ZFHX4: variants seen among roughly 807,000 people sequenced by gnomAD.
ZFHX4 encodes the protein zinc finger homeobox 4.
Under a neutral mutation model 267.6 loss-of-function variants are expected in ZFHX4, and 56 were observed. That is an observed-to-expected ratio of 0.21 (90% confidence interval 0.17 to 0.26). The LOEUF is 0.26. ZFHX4 is among the 10% of genes least tolerant of loss of function. The pLI, the probability that ZFHX4 is intolerant of heterozygous loss-of-function variation, is 1.00. For missense variants in ZFHX4, 4,332 were observed against 4,420.0 expected, an observed-to-expected ratio of 0.98 and a Z score of 0.56; for synonymous variants, 1,778 against 1,665.6, an observed-to-expected ratio of 1.07 and a Z score of -1.64.
intron 5 of ZFHX4, 23 bp from the exon 6 acceptor site, chr8:76,842,632 G>T: frequency 6.5e-7 from 1 of 1,536,536 alleles, no homozygotes; most frequent in South Asian, 1.2e-5. Context: ...CAGTTCTACT[G>T]ATTGGTCTGC....
intron 3 of ZFHX4, among the ~76,000 whole-genome samples, chr8:76,752,857 C>T (rs755799789): frequency 6.6e-6 from 1 of 152,158 alleles, no homozygotes; most frequent in Non-Finnish European, 1.5e-5. Flanking sequence ...AGTGAATTCA[C>T]TATAATAACT....
At chr8:76,698,777 A>T (rs6995390) in intron 1 of ZFHX4, among the ~76,000 whole-genome samples, 52,268 of 152,080 alleles carry the variant, frequency 0.34, 13,262 homozygotes, top group African/African-American at 0.71. Flanking sequence ...GTGCCTGTTT[A>T]AAATGCTGAA....
chr8:76,782,276 A>T (rs1810571533), intron 4 of ZFHX4: 9 of 398,872 alleles, frequency 2.3e-5, no homozygotes, highest in African/African-American at 4.2e-5. Flanking sequence ...TTTTCTTGAA[A>T]TGTACACTCT....
intron 3 of ZFHX4, among the ~76,000 whole-genome samples, chr8:76,745,231 C>T (rs914826152): frequency 1.3e-5 from 2 of 152,140 alleles, no homozygotes; most frequent in Non-Finnish European, 2.9e-5. Context: ...CTCTATGACC[C>T]TCCCTCCTTG....
intron 3 of ZFHX4, among the ~76,000 whole-genome samples, chr8:76,753,781 T>G (rs941536334): frequency 1.3e-5 from 2 of 151,908 alleles, no homozygotes; most frequent in Non-Finnish European, 2.9e-5. Context: ...TGCAACACCA[T>G]GCTCAGCTAA....
chr8:76,738,796 C>T (rs540002917), intron 3 of ZFHX4, among the ~76,000 whole-genome samples: 58 of 151,346 alleles, frequency 3.8e-4, no homozygotes, highest in Admixed American at 9.3e-4. Flanking sequence ...TGCAATGTAG[C>T]TTTGACATCC....
intron 5 of ZFHX4, among the ~76,000 whole-genome samples, chr8:76,840,263 G>T (rs1363138476): frequency 6.6e-6 from 1 of 152,174 alleles, no homozygotes; most frequent in South Asian, 2.1e-4. Flanking sequence ...TATGAGTTGT[G>T]GCTTGGAGGA....
At chr8:76,827,395 C>T (rs780457384) in intron 4 of ZFHX4, among the ~76,000 whole-genome samples, 7 of 152,110 alleles carry the variant, frequency 4.6e-5, no homozygotes, top group African/African-American at 9.7e-5. Context: ...GGACCAGGAG[C>T]GAGCCACAGC....
At chr8:76,765,318 A>G (rs1810023805) in intron 3 of ZFHX4, among the ~76,000 whole-genome samples, 1 of 152,156 alleles carries the variant, frequency 6.6e-6, no homozygotes, top group African/African-American at 2.4e-5. Flanking sequence ...AATGTTAACT[A>G]TACCTATTTT....
At position 76,863,619 on chromosome 8, in the gene ZFHX4, C is replaced by T; in HGVS notation, c.9905C>T (p.Thr3302Ile). ...GAGAGCCTCTTTCCTTATGGCCCTA[C>T]AATGCCCCAGACACTGGCAGGTCTG... Reference protein sequence around the residue: ...GMESLFPYGPTMPQTLAGLSP... With the variant: ...GMESLFPYGPIMPQTLAGLSP... Residue 3302 changes from threonine to isoleucine, a missense_variant, in exon 11 of 11, where the codon ACA (threonine) becomes ATA (isoleucine). Thr to Ile is a moderately conservative substitution (Grantham distance 89). Around this residue, in one of 7 missense-constraint regions of ZFHX4, gnomAD observed 1,648 missense variants for 1,625.0 expected, o/e 1.01. Coordinates refer to ENST00000651372, the MANE Select transcript of ZFHX4 (RefSeq NM_024721.5). 1.2e-6 allele frequency: 2 copies of T among 1,613,358 alleles called. No individual in the cohort carries two copies. The highest frequency in any genetic ancestry group is 1.7e-6 in the Non-Finnish European group (2 of 1,179,706).
chr8:76,757,099 C>T (rs1254637834), intron 3 of ZFHX4, among the ~76,000 whole-genome samples: 1 of 152,130 alleles, frequency 6.6e-6, no homozygotes, highest in Non-Finnish European at 1.5e-5. Context: ...GCAGTAATTT[C>T]TCTCTCCTGA....
At chr8:76,727,269 C>T (rs1220474677) in intron 3 of ZFHX4, among the ~76,000 whole-genome samples, 2 of 151,958 alleles carry the variant, frequency 1.3e-5, no homozygotes, top group Non-Finnish European at 2.9e-5. Context: ...CTCTTGGGGC[C>T]GCAGCCACAT....
Position 76,863,881 on chromosome 8 carries a change from C to A in ZFHX4, c.10167C>A (p.Asp3389Glu). Reference sequence around the variant, plus strand: ...CCCAGTTAGAATCCAAAAGTGCAGACTTTTCAGACACTTACGTTGTTCCAT... The same window carrying A: ...CCCAGTTAGAATCCAAAAGTGCAGAATTTTCAGACACTTACGTTGTTCCAT... The part of the protein sequence containing the change: ...EEPQLESKSA[D>E]FSDTYVVPFV... The change falls in exon 11 of 11, where the codon GAC becomes GAA. Residue 3389 changes from aspartate to glutamate, a missense_variant. Physicochemically the swap from Asp to Glu is conservative, Grantham distance 45. Transcript: ENST00000651372. The A allele has an allele frequency of 6.4e-7, 1 of 1,565,040 alleles. No homozygotes were observed. Among genetic ancestry groups the A allele is most frequent in the Non-Finnish European group, 8.7e-7 (1 of 1,153,900 alleles).
chr8:76,819,092 A>G (rs1452804288), intron 4 of ZFHX4, among the ~76,000 whole-genome samples: 1 of 151,660 alleles, frequency 6.6e-6, no homozygotes, highest in Non-Finnish European at 1.5e-5. Flanking sequence ...TTCAGACAAA[A>G]TGCTTTAAAC....
chr8:76,717,137 T>C (rs1808597176), intron 3 of ZFHX4, among the ~76,000 whole-genome samples: 1 of 152,206 alleles, frequency 6.6e-6, no homozygotes, highest in Non-Finnish European at 1.5e-5. Flanking sequence ...CTGGAGGAAG[T>C]TGTATTCACT....
At chr8:76,719,415 A>G (rs1808662561) in intron 3 of ZFHX4, among the ~76,000 whole-genome samples, 1 of 152,022 alleles carries the variant, frequency 6.6e-6, no homozygotes, top group African/African-American at 2.4e-5. Context: ...GTATGTACAC[A>G]TGACTAATCA....
intron 3 of ZFHX4, among the ~76,000 whole-genome samples, chr8:76,756,604 C>T (rs576652256): frequency 6.6e-6 from 1 of 151,460 alleles, no homozygotes; most frequent in Non-Finnish European, 1.5e-5. Flanking sequence ...CATTTTTTTT[C>T]AAATGGTCTA....
Position 76,863,197 on chromosome 8 carries a change from T to A in ZFHX4, c.9483T>A (p.Thr3161=), listed in dbSNP as rs748912166. 6.4e-7 allele frequency: 1 copy of A among 1,564,450 alleles called. No individual in the cohort carries two copies. The highest frequency in any genetic ancestry group is 2.4e-5 in the East Asian group (1 of 41,942). The change falls in exon 11 of 11, where the codon ACT becomes ACA. Residue 3161 remains threonine (T), a synonymous_variant. Transcript: ENST00000651372. Reference sequence around the variant, plus strand: ...CCCCCACCAAACCTTTGCTGCAGACTCCACCACCTCCACCACCTCCTCCTC... The same window carrying A: ...CCCCCACCAAACCTTTGCTGCAGACACCACCACCTCCACCACCTCCTCCTC... The part of the protein sequence containing the change: ...SSAPTKPLLQ[T]PPPPPPPPPP...
Position 76,855,427 on chromosome 8 carries a change from G to A in ZFHX4, c.8506G>A (p.Ala2836Thr). 3.1e-6 allele frequency: 5 copies of A among 1,613,452 alleles called. 1 individual carries two copies. In the African/African-American group the frequency reaches 6.7e-5, roughly 22 times the overall value. Residue 2836 changes from alanine (A) to threonine (T), a missense_variant, in exon 10 of 11, where the codon GCT (alanine) becomes ACT (threonine). Around this residue, in one of 7 missense-constraint regions of ZFHX4, gnomAD observed 1,648 missense variants for 1,625.0 expected, o/e 1.01. Coordinates refer to ENST00000651372, the MANE Select transcript of ZFHX4 (RefSeq NM_024721.5). ...TTGSSGDVKP[A>T]LSPKEPKTLD... ...AGGAAGTTCCGGAGATGTGAAACCGGCTTTGTCTCCCAAAGAGCCAAAAAC... is the reference window on the plus strand; with the variant it reads ...AGGAAGTTCCGGAGATGTGAAACCGACTTTGTCTCCCAAAGAGCCAAAAAC...
Sources: allele counts gnomAD v4.1 joint callset (sites outside exome capture counted in the v4.1 genomes callset), GRCh38; gene constraint gnomAD v4.1.1; regional missense constraint gnomAD v4.1.1; transcripts MANE v1.5; gene names NCBI Gene and HGNC (gene_info 2026-07-23, HGNC 2026-07-21).